Variants in NRG1 observed in about 807,000 individuals in gnomAD.
NRG1 encodes the protein neuregulin 1, also known as pro-neuregulin-1, membrane-bound isoform.
NRG1 carries 18 observed loss-of-function variants against 63.8 expected under a neutral mutation model. That is an observed-to-expected ratio of 0.28 (90% CI 0.19 to 0.42). NRG1 has a LOEUF of 0.42. Ranked by LOEUF, NRG1 falls within the 10% of genes least tolerant of loss-of-function variation. The pLI is 1.00. For synonymous variants in NRG1, 302 were observed against 301.3 expected (o/e 1.00, Z -0.02); for missense variants, 762 against 814.7 (o/e 0.94, Z 0.79).
intron 1 of NRG1, among the ~76,000 whole-genome samples, chr8:32,341,597 G>A (rs568419317): frequency 1.3e-5 from 2 of 152,140 alleles, no homozygotes; most frequent in African/African-American, 2.4e-5. Context: ...CCTAACTCCT[G>A]CCTAGTTGCC....
intron 1 of NRG1, among the ~76,000 whole-genome samples, chr8:32,496,676 G>T (rs191049577): frequency 3.3e-5 from 5 of 152,240 alleles, no homozygotes; most frequent in African/African-American, 1.2e-4. Flanking sequence ...TGTAGGGCTT[G>T]TCTTTCATTT....
chr8:32,036,721 T>G (rs1397910001), intron 1 of NRG1, among the ~76,000 whole-genome samples: 1 of 152,190 alleles, frequency 6.6e-6, no homozygotes, highest in Non-Finnish European at 1.5e-5. Flanking sequence ...CTTGGTCTAT[T>G]CAGTTATTGA....
chr8:32,452,475 G>C (rs1162728463), intron 1 of NRG1, among the ~76,000 whole-genome samples: 1 of 152,152 alleles, frequency 6.6e-6, no homozygotes, highest in Non-Finnish European at 1.5e-5. Context: ...GAATTTCTTG[G>C]CCAAAGGATA....
chr8:32,284,489 G>GCCTTCCTTCCTT lies in NRG1; in HGVS notation c.38-311297_38-311286dup, dbSNP rs367763292. ...ATAATGCTTGCCTCCCTGCCTGCCT[G>GCCTTCCTTCCTT]CCTTCCTTCCTTCCTTCCTTCCTTC... On this transcript the variant is annotated intron_variant, in intron 1 of 10. Coordinates refer to the NRG1 transcript ENST00000519301. Among the ~76,000 whole-genome samples, 276 of 132,598 alleles carry GCCTTCCTTCCTT rather than the reference G, an allele frequency of 2.1e-3. 2 individuals carry two copies. Among genetic ancestry groups the GCCTTCCTTCCTT allele is most frequent in the South Asian group, 3.8e-3 (14 of 3,712 alleles). The allele number at this position is 132,598 out of a possible 152,430, so 87.0% of individuals were successfully genotyped here. A position where few individuals can be genotyped will look rare whatever the true frequency, so the allele number is the denominator to read the frequency against.
At chr8:32,621,727 GTGTTGTGCTAGA>G (rs1460088189) in intron 5 of NRG1, among the ~76,000 whole-genome samples, 6 of 152,282 alleles carry the variant, frequency 3.9e-5, no homozygotes, top group Admixed American at 3.9e-4. Flanking sequence ...TGTGTGCCAG[GTGTTGTGCTAGA>G]TGTTTTACAT....
chr8:32,752,856 TATTA>T (rs1829001030), intron 7 of NRG1, among the ~76,000 whole-genome samples: 1 of 152,198 alleles, frequency 6.6e-6, no homozygotes, highest in Non-Finnish European at 1.5e-5. Context: ...ATCAGTGCTA[TATTA>T]ATTTGATTTG....
chr8:32,710,274 T>C (rs1458259394), intron 5 of NRG1, among the ~76,000 whole-genome samples: 1 of 152,210 alleles, frequency 6.6e-6, no homozygotes, highest in Admixed American at 6.5e-5. Flanking sequence ...TTTTTTATTT[T>C]ATGTAATTTA....
At chr8:32,364,075 C>CTTTTTTTTTTTTTTTTTTTT (rs932903875) in intron 1 of NRG1, among the ~76,000 whole-genome samples, 1 of 65,520 alleles carries the variant, frequency 1.5e-5, no homozygotes, top group Non-Finnish European at 2.8e-5. Flanking sequence ...TCTGACTAGT[C>CTTTTTTTTTTTTTTTTTTTT]TTTTTTTTTT....
intron 5 of NRG1, among the ~76,000 whole-genome samples, chr8:32,635,287 T>A (rs1174090256): frequency 6.6e-6 from 1 of 152,182 alleles, no homozygotes; most frequent in Non-Finnish European, 1.5e-5. Flanking sequence ...GGTGGATGGG[T>A]AGCTAAGTAA....
chr8:32,591,660 T>C (rs1298819700), intron 1 of NRG1, among the ~76,000 whole-genome samples: 1 of 152,218 alleles, frequency 6.6e-6, no homozygotes, highest in Non-Finnish European at 1.5e-5. Flanking sequence ...ATGAATGTAA[T>C]GTTATTATTA....
chr8:31,680,915 C>T (rs1307376833), intron 1 of NRG1, among the ~76,000 whole-genome samples: 2 of 152,134 alleles, frequency 1.3e-5, no homozygotes, highest in African/African-American at 2.4e-5. Flanking sequence ...TTTGCCCTCC[C>T]AGATATTAAA....
intron 1 of NRG1, among the ~76,000 whole-genome samples, chr8:32,150,992 C>T (rs2131824583): frequency 6.6e-6 from 1 of 152,234 alleles, no homozygotes; most frequent in Admixed American, 6.5e-5. Flanking sequence ...CATTTTTCAG[C>T]TGTCAACTAG....
chr8:32,719,522 A>G (rs1820097620), intron 5 of NRG1, among the ~76,000 whole-genome samples: 1 of 152,018 alleles, frequency 6.6e-6, no homozygotes, highest in Admixed American at 6.6e-5. Context: ...ATATATCCAT[A>G]ACATGTTTGA....
intron 1 of NRG1, among the ~76,000 whole-genome samples, chr8:32,417,178 C>G (rs1474632649): frequency 3.9e-5 from 6 of 152,136 alleles, no homozygotes; most frequent in African/African-American, 1.4e-4. Context: ...TTTTGAATAG[C>G]TCAGTCTATT....
chr8:32,192,175 G>A (rs529045986), intron 1 of NRG1: 24 of 152,340 alleles, frequency 1.6e-4, no homozygotes, highest in African/African-American at 5.5e-4. Context: ...ACTGTGGAAA[G>A]TAGTTTGGTG....
At chr8:31,741,754 A>T (rs1337137504) in intron 1 of NRG1, among the ~76,000 whole-genome samples, 1 of 152,028 alleles carries the variant, frequency 6.6e-6, no homozygotes, top group Non-Finnish European at 1.5e-5. Context: ...GCTTTGGGGT[A>T]TACAATTGCT....
At chr8:32,282,459 G>A (rs1283073496) in intron 1 of NRG1, among the ~76,000 whole-genome samples, 1 of 152,218 alleles carries the variant, frequency 6.6e-6, no homozygotes, top group Non-Finnish European at 1.5e-5. Context: ...CATGCTCTCT[G>A]TCCAGCTGTG....
chr8:31,809,402 G>A (rs1261783595), intron 1 of NRG1, among the ~76,000 whole-genome samples: 2 of 140,646 alleles, frequency 1.4e-5, no homozygotes, highest in Non-Finnish European at 3.1e-5. Context: ...ATGTGTGTGT[G>A]TGTATATATA....
At position 31,640,686 on chromosome 8, in the gene NRG1, G is replaced by C. The variant is rs768991016; in HGVS notation, c.37+1255G>C. On this transcript the variant is annotated intron_variant, in intron 1 of 10. Transcript: ENST00000519301. This position sits in a 1 kb window ranked among gnomAD's most constrained non-coding sequence, Gnocchi z 6.3. The stretch of plus-strand genomic sequence containing the variant: ...CTTTCCCCCCTCTGGAGACGGGCCG[G>C]AACCTCAAGAAGGAGGTCAGCCGGG... 21 of 1,606,216 alleles carry C rather than the reference G, an allele frequency of 1.3e-5. No homozygotes were observed. The highest frequency in any genetic ancestry group is 1.8e-5 in the Non-Finnish European group (21 of 1,177,292).
Sources: gnomAD v4.1 joint callset for allele counts (sites outside exome capture counted in the v4.1 genomes callset) on GRCh38, gnomAD v4.1.1 for gene constraint, Gnocchi (gnomAD v3.1) non-coding constraint, MANE v1.5 for transcripts, NCBI Gene and HGNC (gene_info 2026-07-23, HGNC 2026-07-21) for gene names.